SPAG16: variants seen among roughly 807,000 people sequenced by gnomAD.
The protein encoded by SPAG16 is sperm-associated antigen 16 protein.
SPAG16 carries 86 observed loss-of-function variants against 80.4 expected under a neutral mutation model. The observed-to-expected ratio is 1.07, with a 90% confidence interval of 0.90 to 1.28. SPAG16 has a LOEUF of 1.28. Ranked by LOEUF, SPAG16 falls within the 50% of genes most tolerant of loss-of-function variation. The probability of loss-of-function intolerance (pLI) is 0.00; values close to 1 mark genes in which losing one functional copy is unlikely to be tolerated. For missense variants in SPAG16, 870 were observed against 765.3 expected (o/e 1.14, Z -1.61); for synonymous variants, 294 against 265.9 (o/e 1.11, Z -1.03).
At chr2:213,812,474 A>T (rs1275923853) in intron 10 of SPAG16, among the ~76,000 whole-genome samples, 1 of 152,320 alleles carries the variant, frequency 6.6e-6, no homozygotes, top group South Asian at 2.1e-4. Context: ...CAACCAAAAT[A>T]TCTTTTTAAA....
At chr2:213,907,344 A>G (rs568871350) in intron 11 of SPAG16, among the ~76,000 whole-genome samples, 1 of 152,338 alleles carries the variant, frequency 6.6e-6, no homozygotes, top group South Asian at 2.1e-4. Context: ...GTCTCACCCT[A>G]GTTAGAATGG....
chr2:213,819,733 T>G (rs1377726515), intron 10 of SPAG16, among the ~76,000 whole-genome samples: 1 of 151,946 alleles, frequency 6.6e-6, no homozygotes. Flanking sequence ...TTGTTGTTTT[T>G]TGTTTGATTG....
chr2:213,650,902 G>C (rs1463890616), intron 10 of SPAG16, among the ~76,000 whole-genome samples: 1 of 152,070 alleles, frequency 6.6e-6, no homozygotes, highest in Non-Finnish European at 1.5e-5. Flanking sequence ...CCCCAAATTT[G>C]AGAAAAATGA....
At chr2:213,809,447 A>T (rs976497731) in intron 10 of SPAG16, among the ~76,000 whole-genome samples, 1 of 152,178 alleles carries the variant, frequency 6.6e-6, no homozygotes, top group Non-Finnish European at 1.5e-5. Context: ...TCATTTTTAG[A>T]TATTTCTGCT....
intron 8 of SPAG16, among the ~76,000 whole-genome samples, chr2:213,368,837 C>T (rs2066473172): frequency 6.6e-6 from 1 of 152,096 alleles, no homozygotes; most frequent in Admixed American, 6.6e-5. Flanking sequence ...AATAAAATAC[C>T]TAAGAATCCA....
At chr2:213,455,977 G>T (rs931468859) in intron 9 of SPAG16, among the ~76,000 whole-genome samples, 8 of 152,114 alleles carry the variant, frequency 5.3e-5, no homozygotes, top group Non-Finnish European at 1.2e-4. Context: ...AGTTTTGAAT[G>T]GTTTTTTAAG....
At chr2:213,650,546 G>GA (rs1249048033) in intron 10 of SPAG16, among the ~76,000 whole-genome samples, 6 of 152,158 alleles carry the variant, frequency 3.9e-5, no homozygotes, top group Non-Finnish European at 8.8e-5. Flanking sequence ...ATAGGAAGGG[G>GA]AAAAACAATA....
intron 15 of SPAG16, among the ~76,000 whole-genome samples, chr2:214,250,785 G>A (rs987951616): frequency 2.7e-4 from 39 of 144,992 alleles, no homozygotes; most frequent in African/African-American, 9.6e-4. Context: ...GAGAGAGAGA[G>A]AGAGTCAAAC....
intron 5 of SPAG16, among the ~76,000 whole-genome samples, chr2:213,323,980 A>G (rs2063739610): frequency 6.6e-6 from 1 of 152,136 alleles, no homozygotes; most frequent in African/African-American, 2.4e-5. Context: ...ACAGGAGAGG[A>G]AGATAGGGCA....
chr2:213,896,592 G>GCGCGCACACA lies in SPAG16; in HGVS notation c.1215-33367_1215-33366insGCGCACACAC, dbSNP rs57025359. Reference sequence around the variant, plus strand: ...AAATGTGATATATACACACACACACGCACACACACACACACACACACACAT... The same window carrying GCGCGCACACA: ...AAATGTGATATATACACACACACACGCGCGCACACACACACACACACACACACACACACAT... On this transcript the variant is annotated intron_variant, in intron 11 of 15. Transcript: ENST00000331683. 5.9e-4 allele frequency among the ~76,000 whole-genome samples: 66 copies of GCGCGCACACA among 111,926 alleles called. 2 individuals carry two copies. The East Asian group carries it at 0.012, about 21-fold the overall frequency. The allele number at this position is 111,926 out of a possible 152,430, so 73.4% of individuals were successfully genotyped here. A position where few individuals can be genotyped will look rare whatever the true frequency, so the allele number is the denominator to read the frequency against.
intron 12 of SPAG16, among the ~76,000 whole-genome samples, chr2:214,012,531 G>A (rs2047364471): frequency 6.6e-6 from 1 of 151,458 alleles, no homozygotes; most frequent in African/African-American, 2.4e-5. Flanking sequence ...CCTGACTTCA[G>A]GTGGTCTCCT....
chr2:213,450,961 C>A (rs79693060), intron 9 of SPAG16, among the ~76,000 whole-genome samples: 3,558 of 152,032 alleles, frequency 0.023, 59 homozygotes, highest in African/African-American at 0.038. Flanking sequence ...TTAATTAAAA[C>A]CTGAAGCAAA....
chr2:213,833,327 G>A (rs1404089827), intron 10 of SPAG16, among the ~76,000 whole-genome samples: 3 of 141,752 alleles, frequency 2.1e-5, no homozygotes, highest in Non-Finnish European at 4.5e-5. Flanking sequence ...TATAGTGTAT[G>A]AATTGTATTA....
chr2:214,319,225 A>ACACACAC (rs1189650614), intron 15 of SPAG16, among the ~76,000 whole-genome samples: 1 of 20,140 alleles, frequency 5.0e-5, no homozygotes, highest in African/African-American at 8.3e-5. Flanking sequence ...CACACACACA[A>ACACACAC]GAAGTGTAGA....
intron 10 of SPAG16, among the ~76,000 whole-genome samples, chr2:213,789,787 T>C (rs537055835): frequency 6.6e-6 from 1 of 152,050 alleles, no homozygotes; most frequent in Non-Finnish European, 1.5e-5. Context: ...TATCTACTTA[T>C]TCACTTTCAA....
intron 15 of SPAG16, among the ~76,000 whole-genome samples, chr2:214,390,729 A>G (rs1701029304): frequency 6.6e-6 from 1 of 152,114 alleles, no homozygotes; most frequent in Admixed American, 6.5e-5. Context: ...CTAAAGTCCA[A>G]CTGGATGGAA....
intron 13 of SPAG16, among the ~76,000 whole-genome samples, chr2:214,061,757 C>T (rs748749545): frequency 6.6e-6 from 1 of 152,078 alleles, no homozygotes; most frequent in Non-Finnish European, 1.5e-5. Context: ...AATCACCATA[C>T]TCAGTATTTT....
At chr2:213,403,358 T>C (rs2068432260) in intron 9 of SPAG16, among the ~76,000 whole-genome samples, 2 of 152,144 alleles carry the variant, frequency 1.3e-5, no homozygotes. Flanking sequence ...TTGCAAAAAT[T>C]TTCTCCCATT....
chr2:213,801,086 A>C (rs1253609376), intron 10 of SPAG16, among the ~76,000 whole-genome samples: 2 of 152,210 alleles, frequency 1.3e-5, no homozygotes, highest in African/African-American at 2.4e-5. Flanking sequence ...ATGGATTAAA[A>C]CAAATGTGCA....
Sources: gnomAD v4.1 joint callset for allele counts (sites outside exome capture counted in the v4.1 genomes callset) on GRCh38, gnomAD v4.1.1 for gene constraint, MANE v1.5 for transcripts, NCBI Gene and HGNC (gene_info 2026-07-23, HGNC 2026-07-21) for gene names.